The following NINJ1 variants were observed in gnomAD, a reference collection of about 807,000 sequenced individuals.
NINJ1 encodes ninjurin 1.
In NINJ1, 6 loss-of-function variants were observed where a neutral mutation model predicts 12.7. The observed-to-expected ratio is 0.47, with a 90% confidence interval of 0.26 to 0.93. The LOEUF (loss-of-function observed/expected upper bound fraction) is 0.93. Among genes scored for constraint, NINJ1 ranks in the 40% least tolerant of loss-of-function variants. The pLI is 0.15. For synonymous variants in NINJ1, 100 were observed against 96.0 expected, an observed-to-expected ratio of 1.04 and a Z score of -0.25; for missense variants, 170 against 213.0, an observed-to-expected ratio of 0.80 and a Z score of 1.26.
intron 1 of NINJ1, among the ~76,000 whole-genome samples, chr9:93,129,794 C>G (rs1406323501): frequency 1.3e-5 from 2 of 152,186 alleles, no homozygotes; most frequent in Non-Finnish European, 2.9e-5. Flanking sequence ...GGCAGCAGGC[C>G]ACATTGGGAG....
chr9:93,129,950 C>T (rs1827867265), intron 1 of NINJ1, among the ~76,000 whole-genome samples: 1 of 152,194 alleles, frequency 6.6e-6, no homozygotes, highest in Non-Finnish European at 1.5e-5. Flanking sequence ...GGGCACTTGC[C>T]TCTATCTTGG....
chr9:93,126,860 G>GA (rs1323514803), intron 1 of NINJ1, among the ~76,000 whole-genome samples: 1 of 152,182 alleles, frequency 6.6e-6, no homozygotes, highest in Non-Finnish European at 1.5e-5. Flanking sequence ...GGAGAGAAAG[G>GA]AAACGACATA....
At chr9:93,123,495 G>T (rs1357197122) in intron 3 of NINJ1, among the ~76,000 whole-genome samples, 1 of 152,192 alleles carries the variant, frequency 6.6e-6, no homozygotes. Context: ...TGTTGGTCAG[G>T]CTGGTCTCAA....
intron 3 of NINJ1, among the ~76,000 whole-genome samples, 194 bp downstream of exon 3, chr9:93,124,705 C>A (rs1827784129): frequency 6.6e-6 from 1 of 152,224 alleles, no homozygotes; most frequent in African/African-American, 2.4e-5. Context: ...CCACAGGACC[C>A]CAGGTGGCCA....
chr9:93,122,520 C>T (rs547292471), intron 3 of NINJ1, among the ~76,000 whole-genome samples: 1 of 148,734 alleles, frequency 6.7e-6, no homozygotes, highest in African/African-American at 2.5e-5. Context: ...TGACAAGCCC[C>T]GAGTGTCAGG....
At position 93,133,970 on chromosome 9, in the gene NINJ1, G is replaced by A. The variant is rs541460554; in HGVS notation, c.75+173C>T. Among the ~76,000 whole-genome samples, 32 of 152,338 alleles carry A rather than the reference G, an allele frequency of 2.1e-4. No homozygotes were observed. The East Asian group carries it at 6.0e-3, about 28-fold the overall frequency. On this transcript the variant is annotated intron_variant, in intron 1 of 3. Coordinates refer to ENST00000375446, the MANE Select transcript of NINJ1 (RefSeq NM_004148.4). ...CGCCCACTTGCCGGGGGTGGCTGGAGCTCCCGGGGGCATCGTTCTGACCCT... is the reference window on the plus strand; with the variant it reads ...CGCCCACTTGCCGGGGGTGGCTGGAACTCCCGGGGGCATCGTTCTGACCCT...
chr9:93,129,586 G>T (rs1191248907), intron 1 of NINJ1, among the ~76,000 whole-genome samples: 6 of 152,160 alleles, frequency 3.9e-5, no homozygotes, highest in African/African-American at 1.4e-4. Context: ...CCCTCCGTTG[G>T]CCTCAGTCTC....
intron 1 of NINJ1, among the ~76,000 whole-genome samples, chr9:93,130,460 C>T (rs1176025009): frequency 4.6e-5 from 7 of 152,170 alleles, no homozygotes; most frequent in Non-Finnish European, 1.0e-4. Context: ...GAGACAGGGT[C>T]GGGGCTGTGG....
chr9:93,126,835 T>C (rs1405183311), intron 1 of NINJ1, among the ~76,000 whole-genome samples, 197 bp from the exon 2 acceptor site: 3 of 152,114 alleles, frequency 2.0e-5, no homozygotes, highest in Admixed American at 1.3e-4. Context: ...AAACCTCCCC[T>C]AGGAATACGG....
At chr9:93,122,295 G>A (rs1488965212) in intron 3 of NINJ1, 65 bp from the exon 4 acceptor site, 3 of 152,948 alleles carry the variant, frequency 2.0e-5, no homozygotes, top group African/African-American at 7.3e-5. Flanking sequence ...TCTGAGCCTG[G>A]AAGGAGGGAG....
At chr9:93,129,066 G>A (rs1231716753) in intron 1 of NINJ1, among the ~76,000 whole-genome samples, 7 of 152,146 alleles carry the variant, frequency 4.6e-5, no homozygotes, top group African/African-American at 7.2e-5. Flanking sequence ...CACCATCCGC[G>A]CAGAGCCTCC....
chr9:93,126,705 C>T (rs1827817103), intron 1 of NINJ1, 67 bp from the exon 2 acceptor site: 2 of 1,303,730 alleles, frequency 1.5e-6, no homozygotes, highest in Admixed American at 2.0e-5. Context: ...CTGAGTCGGG[C>T]TCTGGGGGTC....
Position 93,126,430 on chromosome 9 carries a change from C to A in NINJ1, c.284G>T (p.Gly95Val), listed in dbSNP as rs772885711. The change falls in exon 2 of 4, where the codon GGG (glycine) becomes GTG (valine). Residue 95 changes from glycine to valine, a missense_variant. By Grantham distance (109) the Gly-to-Val change is moderately radical. Transcript: ENST00000375446. The stretch of plus-strand genomic sequence containing the variant: ...CCTACCAAGGAAGATGAGCAGCACC[C>A]CCACGCCGATCTGCAGCACAAGGGA... ...SISLVLQIGV[G>V]VLLIFLVKYD... 6.2e-7 allele frequency: 1 copy of A among 1,613,738 alleles called. No individual in the cohort carries two copies. Among genetic ancestry groups the A allele is most frequent in the Non-Finnish European group, 8.5e-7 (1 of 1,179,806 alleles).
chr9:93,124,980 G>T lies in NINJ1; in HGVS notation c.387C>A (p.Ile129=). ...NNLATGLVFI[I]VVVNIFITAF... ...CCGTGATGAAGATGTTGACTACCACGATGATGAACACCAGGCCCGTGGCCA... is the reference window on the plus strand; with the variant it reads ...CCGTGATGAAGATGTTGACTACCACTATGATGAACACCAGGCCCGTGGCCA... The change falls in exon 3 of 4, where the codon ATC becomes ATA. Residue 129 remains isoleucine, a synonymous_variant. Coordinates refer to ENST00000375446, the MANE Select transcript of NINJ1 (RefSeq NM_004148.4). 6.2e-7 allele frequency: 1 copy of T among 1,614,118 alleles called. No individual in the cohort carries two copies. The highest frequency in any genetic ancestry group is 2.2e-5 in the East Asian group (1 of 44,882).
chr9:93,122,567 C>T (rs2130744939), intron 3 of NINJ1, among the ~76,000 whole-genome samples: 1 of 152,310 alleles, frequency 6.6e-6, no homozygotes, highest in East Asian at 1.9e-4. Flanking sequence ...GGAGAAGAGC[C>T]TGATTCTGAC....
rs148685363 is a variant in NINJ1, at chr9:93,125,022, C to T, written c.345G>A (p.Leu115=). The T allele has an allele frequency of 7.1e-4, 1,138 of 1,613,976 alleles. 8 individuals carry two copies. In the African/African-American group the frequency reaches 0.013, roughly 18 times the overall value. Reference sequence around the variant, plus strand: ...CCGTGGCCAGGTTGTTGAGGAAGTCCAGCTTGGCGTGCTTGGCCGGGTTGT... The same window carrying T: ...CCGTGGCCAGGTTGTTGAGGAAGTCTAGCTTGGCGTGCTTGGCCGGGTTGT... ...DLNNPAKHAK[L]DFLNNLATGL... is the part of the protein sequence containing the mutation. Residue 115 remains leucine (L), a synonymous_variant, in exon 3 of 4, where the codon CTG becomes CTA. Coordinates refer to ENST00000375446, the MANE Select transcript of NINJ1 (RefSeq NM_004148.4).
At chr9:93,126,253 G>T (rs1587664132) in intron 2 of NINJ1, 157 bp downstream of exon 2, 1 of 594,920 alleles carries the variant, frequency 1.7e-6, no homozygotes, top group East Asian at 3.0e-5. Context: ...GAGGGGGGGT[G>T]CCACTTCCTG....
intron 1 of NINJ1, 83 bp from the exon 2 acceptor site, chr9:93,126,721 G>T: frequency 9.2e-7 from 1 of 1,089,946 alleles, no homozygotes; most frequent in Non-Finnish European, 1.3e-6. Flanking sequence ...GGGTCACCGG[G>T]CCCTGCAGGT....
intron 1 of NINJ1, among the ~76,000 whole-genome samples, chr9:93,130,333 C>T (rs1356458697): frequency 6.6e-6 from 1 of 152,196 alleles, no homozygotes; most frequent in Non-Finnish European, 1.5e-5. Context: ...GCATCCTCAG[C>T]TCAGGCAGGA....
Sources: allele counts gnomAD v4.1 joint callset (sites outside exome capture counted in the v4.1 genomes callset), GRCh38; gene constraint gnomAD v4.1.1; transcripts MANE v1.5; gene names NCBI Gene and HGNC (gene_info 2026-07-23, HGNC 2026-07-21).